Variants in UBAC2 observed in about 807,000 individuals in gnomAD.
UBAC2 encodes UBA domain containing 2.
A neutral mutation model predicts 44.0 loss-of-function variants in UBAC2; 26 were observed. The observed-to-expected ratio is 0.59, with a 90% CI of 0.43 to 0.82. UBAC2 has a LOEUF of 0.82. Among genes scored for constraint, UBAC2 ranks in the 40% least tolerant of loss-of-function variants. UBAC2 has a pLI of 0.00. For synonymous variants in UBAC2, 155 were observed against 154.3 expected (o/e 1.00, Z -0.04); for missense variants, 329 against 419.4 (o/e 0.78, Z 1.88).
chr13:99,365,236 A>G (rs2045315678), intron 7 of UBAC2, among the ~76,000 whole-genome samples: 1 of 151,910 alleles, frequency 6.6e-6, no homozygotes, highest in South Asian at 2.1e-4. Flanking sequence ...TGCCTATTTT[A>G]TTTGACTTTG....
intron 4 of UBAC2, among the ~76,000 whole-genome samples, chr13:99,304,568 T>G (rs2044303959): frequency 1.3e-5 from 2 of 152,262 alleles, no homozygotes; most frequent in African/African-American, 4.8e-5. Flanking sequence ...TTCTTAATCC[T>G]TAATGAAAGG....
At chr13:99,316,218 A>G (rs16956458) in intron 5 of UBAC2, among the ~76,000 whole-genome samples, 2,857 of 152,168 alleles carry the variant, frequency 0.019, 90 homozygotes, top group African/African-American at 0.066. Context: ...GGTCCTTAGC[A>G]TGAATGGCAT....
At chr13:99,362,911 C>CT (rs1472052252) in intron 7 of UBAC2, among the ~76,000 whole-genome samples, 38 of 152,188 alleles carry the variant, frequency 2.5e-4, no homozygotes, top group African/African-American at 2.4e-5. Flanking sequence ...TTTTTAACCA[C>CT]TTTTTTCATT....
At chr13:99,233,278 A>T (rs550355272) in intron 1 of UBAC2, among the ~76,000 whole-genome samples, 2 of 151,942 alleles carry the variant, frequency 1.3e-5, no homozygotes, top group Middle Eastern at 6.8e-3. Flanking sequence ...ATGCCCAGCT[A>T]ATTTTTGTAT....
chr13:99,338,950 T>C (rs969383464), intron 6 of UBAC2, among the ~76,000 whole-genome samples: 1 of 152,232 alleles, frequency 6.6e-6, no homozygotes, highest in East Asian at 1.9e-4. Context: ...TGTCTGTCCA[T>C]AGAATATTTG....
At chr13:99,238,341 G>T in intron 1 of UBAC2, 86 bp from the exon 2 acceptor site, 1 of 1,496,602 alleles carries the variant, frequency 6.7e-7, no homozygotes, top group African/African-American at 1.4e-5. Context: ...TGATTTAAAA[G>T]AAGTGAATTC....
chr13:99,267,558 A>G (rs538857012), intron 4 of UBAC2, among the ~76,000 whole-genome samples: 5 of 152,160 alleles, frequency 3.3e-5, no homozygotes, highest in Admixed American at 6.5e-5. Context: ...GTCCAGGAGG[A>G]TATAAGTAAG....
intron 7 of UBAC2, chr13:99,356,202 A>G: frequency 1.9e-6 from 1 of 534,608 alleles, no homozygotes; most frequent in South Asian, 1.4e-5. Context: ...TTCCCGATGT[A>G]CTCTGTAGAT....
At chr13:99,258,183 A>G (rs1024951001) in intron 4 of UBAC2, 6 of 152,278 alleles carry the variant, frequency 3.9e-5, no homozygotes, top group African/African-American at 1.4e-4. Flanking sequence ...TGTGTGAGAG[A>G]TGAGCATTTT....
At chr13:99,344,289 C>G (rs1353916054) in intron 7 of UBAC2, among the ~76,000 whole-genome samples, 1 of 152,100 alleles carries the variant, frequency 6.6e-6, no homozygotes, top group Non-Finnish European at 1.5e-5. Flanking sequence ...TGTTTCTGAT[C>G]CCTAACTCAT....
intron 8 of UBAC2, among the ~76,000 whole-genome samples, chr13:99,370,929 A>C (rs556808976): frequency 6.6e-6 from 1 of 152,224 alleles, no homozygotes; most frequent in South Asian, 2.1e-4. Context: ...TTCCTATAAC[A>C]TGTTTAAAAA....
At chr13:99,240,679 A>C (rs1231354779) in intron 2 of UBAC2, among the ~76,000 whole-genome samples, 1 of 152,084 alleles carries the variant, frequency 6.6e-6, no homozygotes, top group Non-Finnish European at 1.5e-5. Context: ...ATGCTGCCTA[A>C]AGTTTCAGTG....
chr13:99,290,728 CAAAAAAAA>C (rs35343898), intron 4 of UBAC2, among the ~76,000 whole-genome samples: 1 of 93,804 alleles, frequency 1.1e-5, no homozygotes, highest in Non-Finnish European at 2.1e-5. Flanking sequence ...GTTTCACCAC[CAAAAAAAA>C]AAAAAAAAGA....
chr13:99,354,558 G>A (rs1453919771), intron 7 of UBAC2, among the ~76,000 whole-genome samples: 4 of 152,230 alleles, frequency 2.6e-5, no homozygotes, highest in African/African-American at 4.8e-5. Flanking sequence ...GCCACTTACA[G>A]ATGGGAAACA....
At position 99,374,500 on chromosome 13, in the gene UBAC2, G is replaced by A. The variant is rs574641463; in HGVS notation, c.927+6594G>A. Among the ~76,000 whole-genome samples the A allele has an allele frequency of 1.3e-3, 201 of 152,280 alleles. No homozygotes were observed. The South Asian group carries it at 0.014, about 11-fold the overall frequency. On this transcript the variant is annotated intron_variant, in intron 8 of 8. Transcript: ENST00000403766. Reference sequence around the variant, plus strand: ...GTCTCTGAGATATCCATTAGCCCAAGTAGAGAGAATGGCTTTAAACCCACA... The same window carrying A: ...GTCTCTGAGATATCCATTAGCCCAAATAGAGAGAATGGCTTTAAACCCACA...
intron 4 of UBAC2, among the ~76,000 whole-genome samples, chr13:99,293,486 C>T (rs1466154785): frequency 2.0e-5 from 3 of 152,182 alleles, no homozygotes; most frequent in African/African-American, 7.2e-5. Context: ...AGATCCAACT[C>T]AGATGACTAC....
intron 7 of UBAC2, among the ~76,000 whole-genome samples, chr13:99,343,628 C>G (rs1323937151): frequency 6.6e-6 from 1 of 152,236 alleles, no homozygotes; most frequent in Non-Finnish European, 1.5e-5. Flanking sequence ...GTTGAGTGGT[C>G]TGCTGGGCAG....
At chr13:99,212,944 A>T (rs557881575) in intron 1 of UBAC2, among the ~76,000 whole-genome samples, 50 of 152,352 alleles carry the variant, frequency 3.3e-4, no homozygotes, top group Middle Eastern at 3.4e-3. Flanking sequence ...TTCAAAAATT[A>T]TACAAATATT....
chr13:99,314,301 T>A, intron 5 of UBAC2, 81 bp downstream of exon 5: 1 of 1,448,402 alleles, frequency 6.9e-7, no homozygotes, highest in East Asian at 2.3e-5. Context: ...TCATTTGATC[T>A]CCTTGAAAAC....
Sources: allele counts gnomAD v4.1 joint callset (sites outside exome capture counted in the v4.1 genomes callset), GRCh38; gene constraint gnomAD v4.1.1; transcripts MANE v1.5; gene names NCBI Gene and HGNC (gene_info 2026-07-23, HGNC 2026-07-21).